Variants in LRRIQ1 observed in about 807,000 individuals in gnomAD.
LRRIQ1 encodes leucine rich repeats and IQ motif containing 1, also known as leucine-rich repeat- and IQ domain-containing protein 1.
A neutral mutation model predicts 211.9 loss-of-function variants in LRRIQ1; 210 were observed. The ratio of observed to expected loss-of-function variants is 0.99; its 90% confidence interval spans 0.89 to 1.11. The LOEUF (loss-of-function observed/expected upper bound fraction) is 1.11. Ranked by LOEUF, LRRIQ1 falls within the 50% of genes most tolerant of loss-of-function variation. The pLI is 0.00. For missense variants in LRRIQ1, 2,136 were observed against 1,939.5 expected (o/e 1.10, Z -1.90); for synonymous variants, 699 against 650.1 (o/e 1.08, Z -1.14).
chr12:85,106,441 A>G (rs1886787361), intron 14 of LRRIQ1, 81 bp from the exon 15 acceptor site: 12 of 954,440 alleles, frequency 1.3e-5, no homozygotes, highest in Middle Eastern at 4.3e-4. Flanking sequence ...ATAGCAAACC[A>G]GTAAATACAG....
chr12:85,255,515 A>G (rs1896062786), intron 1 of LRRIQ1, among the ~76,000 whole-genome samples: 1 of 151,840 alleles, frequency 6.6e-6, no homozygotes, highest in Non-Finnish European at 1.5e-5. Context: ...TTTGTTCCAT[A>G]CATAATGAAA....
At chr12:85,182,262 T>G (rs1892015639) in intron 24 of LRRIQ1, among the ~76,000 whole-genome samples, 1 of 152,056 alleles carries the variant, frequency 6.6e-6, no homozygotes, top group African/African-American at 2.4e-5. Flanking sequence ...TGAAATAGTT[T>G]GAGGACATAA....
chr12:85,199,373 C>A (rs528811496), intron 24 of LRRIQ1, among the ~76,000 whole-genome samples: 1 of 152,158 alleles, frequency 6.6e-6, no homozygotes, highest in African/African-American at 2.4e-5. Flanking sequence ...TAGGGAAGTC[C>A]TTTCCCCATT....
intron 24 of LRRIQ1, among the ~76,000 whole-genome samples, chr12:85,226,688 AC>A (rs543050682): frequency 1.0e-4 from 2 of 19,946 alleles, no homozygotes; most frequent in Non-Finnish European, 2.0e-4. Flanking sequence ...CCCTCCCCCC[AC>A]CCCCCAGCAG....
intron 24 of LRRIQ1, among the ~76,000 whole-genome samples, chr12:85,172,738 T>C (rs1032023213): frequency 1.3e-5 from 2 of 152,156 alleles, no homozygotes; most frequent in East Asian, 3.9e-4. Context: ...TGGGAAAATA[T>C]GAGATCTGTC....
At chr12:85,244,199 T>C (rs1401760662) in intron 26 of LRRIQ1, among the ~76,000 whole-genome samples, 1 of 151,564 alleles carries the variant, frequency 6.6e-6, no homozygotes, top group African/African-American at 2.4e-5. Context: ...AAATAAATAA[T>C]TTTTATGTTC....
At chr12:85,067,600 C>A (rs901891000) in intron 10 of LRRIQ1, among the ~76,000 whole-genome samples, 1 of 151,358 alleles carries the variant, frequency 6.6e-6, no homozygotes, top group Non-Finnish European at 1.5e-5. Context: ...AGGCTTGTCT[C>A]GAACTCCTGG....
At chr12:85,046,657 T>C (rs2135921178) in intron 5 of LRRIQ1, among the ~76,000 whole-genome samples, 1 of 152,308 alleles carries the variant, frequency 6.6e-6, no homozygotes, top group East Asian at 1.9e-4. Context: ...ACTGGGTATA[T>C]ACCCAAAGGA....
At chr12:85,145,730 A>C (rs529839107) in intron 19 of LRRIQ1, among the ~76,000 whole-genome samples, 1 of 151,814 alleles carries the variant, frequency 6.6e-6, no homozygotes, top group South Asian at 2.1e-4. Flanking sequence ...CCTGTGCTCC[A>C]CAGAAAGTTG....
At chr12:85,040,832 G>T (rs779050675) in intron 3 of LRRIQ1, among the ~76,000 whole-genome samples, 1 of 150,244 alleles carries the variant, frequency 6.7e-6, no homozygotes, top group Non-Finnish European at 1.5e-5. Flanking sequence ...TTTTGTTTCC[G>T]CAGTCCTAAT....
chr12:85,229,399 C>T lies in LRRIQ1; in HGVS notation c.4823-118C>T, dbSNP rs541630721. The T allele has an allele frequency of 2.2e-4, 164 of 762,050 alleles. No homozygotes were observed. The African/African-American group carries it at 2.8e-3, about 13-fold the overall frequency. 47.2% of individuals were successfully genotyped at this position (762,050 alleles called of 1,614,324 possible). A position where few individuals can be genotyped will look rare whatever the true frequency, so the allele number is the denominator to read the frequency against. Reference sequence around the variant, plus strand: ...CATTAGTTTTCTTACAGATTTAGCTCTCATAAGTTAGTATTTTTTTTTCTT... The same window carrying T: ...CATTAGTTTTCTTACAGATTTAGCTTTCATAAGTTAGTATTTTTTTTTCTT... On this transcript the variant is annotated intron_variant, in intron 24 of 26. Coordinates refer to ENST00000393217, the MANE Select transcript of LRRIQ1 (RefSeq NM_001079910.2).
intron 11 of LRRIQ1, among the ~76,000 whole-genome samples, chr12:85,088,829 G>A (rs1885096053): frequency 6.6e-6 from 1 of 152,310 alleles, no homozygotes; most frequent in East Asian, 1.9e-4. Flanking sequence ...ATCAGCTTAA[G>A]GAGATTTTGG....
At position 85,047,420 on chromosome 12, in the gene LRRIQ1, TG is replaced by T. The variant is rs764026452; in HGVS notation, c.630del (p.Trp210Ter). 1 of 1,613,400 alleles carries T rather than the reference TG, an allele frequency of 6.2e-7. No individual in the cohort carries two copies. Among genetic ancestry groups the T allele is most frequent in the South Asian group, 1.1e-5 (1 of 91,008 alleles). The stretch of plus-strand genomic sequence containing the variant: ...AGAAGAAGAAGAAAAGCGACATTGC[TG>T]GATGAAACAATTTAAAGTTGAAAAG... ...FQEEEEKRHC[W>X]MKQFKVEKKK... On this transcript the variant is annotated frameshift_variant, in exon 6 of 27. Coordinates refer to ENST00000393217, the MANE Select transcript of LRRIQ1 (RefSeq NM_001079910.2). LOFTEE classifies it high-confidence loss of function.
At chr12:85,145,669 G>A (rs1013066271) in intron 19 of LRRIQ1, among the ~76,000 whole-genome samples, 2 of 151,602 alleles carry the variant, frequency 1.3e-5, no homozygotes, top group African/African-American at 2.4e-5. Flanking sequence ...TAGTAGTCTT[G>A]AGCCTAGGAT....
At chr12:85,209,002 C>T (rs759940885) in intron 24 of LRRIQ1, among the ~76,000 whole-genome samples, 9 of 152,136 alleles carry the variant, frequency 5.9e-5, no homozygotes, top group Non-Finnish European at 7.4e-5. Flanking sequence ...ACTTAGACAA[C>T]TTTAAACTCA....
intron 8 of LRRIQ1, among the ~76,000 whole-genome samples, chr12:85,062,792 G>A (rs1039246935): frequency 2.0e-5 from 3 of 151,696 alleles, no homozygotes; most frequent in African/African-American, 7.3e-5. Flanking sequence ...TTTCCACAGT[G>A]GCTTAACTAA....
intron 3 of LRRIQ1, among the ~76,000 whole-genome samples, chr12:85,041,190 T>G (rs1452820497): frequency 5.9e-5 from 9 of 151,736 alleles, no homozygotes; most frequent in Non-Finnish European, 1.3e-4. Context: ...AAAAGCTATT[T>G]TAAAATTAAA....
intron 24 of LRRIQ1, among the ~76,000 whole-genome samples, chr12:85,179,712 C>G (rs1271281822): frequency 6.6e-6 from 1 of 151,834 alleles, no homozygotes; most frequent in Non-Finnish European, 1.5e-5. Context: ...CTGAAATGAC[C>G]CTCATCACCT....
chr12:85,061,741 T>C (rs559398072), intron 8 of LRRIQ1, among the ~76,000 whole-genome samples: 1 of 151,936 alleles, frequency 6.6e-6, no homozygotes, highest in African/African-American at 2.4e-5. Flanking sequence ...AGAATGTATA[T>C]CTGTTTGTTA....
Sources: allele counts gnomAD v4.1 joint callset (sites outside exome capture counted in the v4.1 genomes callset), GRCh38; gene constraint gnomAD v4.1.1; transcripts MANE v1.5; gene names NCBI Gene and HGNC (gene_info 2026-07-23, HGNC 2026-07-21).